DGKB: variants seen among roughly 807,000 people sequenced by gnomAD.
DGKB encodes diacylglycerol kinase beta, also known as 90 kDa diacylglycerol kinase.
DGKB carries 67 observed loss-of-function variants against 114.3 expected under a neutral mutation model. The observed-to-expected ratio is 0.59, with a 90% confidence interval of 0.48 to 0.72. The LOEUF (loss-of-function observed/expected upper bound fraction) is 0.72, where lower values mean the gene tolerates loss of function less well. DGKB is among the 30% of genes least tolerant of loss of function. The pLI is 0.00. For missense variants in DGKB, 907 were observed against 975.2 expected (o/e 0.93, Z 0.93); for synonymous variants, 398 against 323.1 (o/e 1.23, Z -2.49).
chr7:14,632,448 T>C (rs1809905653), intron 13 of DGKB, among the ~76,000 whole-genome samples: 1 of 151,624 alleles, frequency 6.6e-6, no homozygotes, highest in South Asian at 2.1e-4. Flanking sequence ...ATAAAGAAAT[T>C]ATGGCAACAC....
At chr7:14,202,836 T>C (rs1786115063) in intron 23 of DGKB, among the ~76,000 whole-genome samples, 1 of 151,990 alleles carries the variant, frequency 6.6e-6, no homozygotes. Context: ...TTCTATTAAA[T>C]GGTGATTTAT....
intron 1 of DGKB, among the ~76,000 whole-genome samples, chr7:14,972,922 G>A (rs997822633): frequency 1.3e-5 from 2 of 152,048 alleles, no homozygotes; most frequent in African/African-American, 4.8e-5. Context: ...GTGGGAGCTT[G>A]CAGAAAGTGG....
chr7:14,183,466 A>G (rs1782935803), intron 23 of DGKB, among the ~76,000 whole-genome samples: 1 of 152,094 alleles, frequency 6.6e-6, no homozygotes, highest in Admixed American at 6.5e-5. Context: ...GGCTTTTTGC[A>G]CCTGAAGGAA....
chr7:14,694,499 T>C (rs17668761), intron 8 of DGKB, among the ~76,000 whole-genome samples: 89,235 of 152,016 alleles, frequency 0.59, 27,132 homozygotes, highest in East Asian at 0.87. Flanking sequence ...ATTACTTTCT[T>C]CATATTATTT....
intron 2 of DGKB, among the ~76,000 whole-genome samples, chr7:14,835,637 G>A (rs1045855445): frequency 1.9e-4 from 29 of 152,098 alleles, no homozygotes; most frequent in African/African-American, 7.0e-4. Context: ...GCTAGCGTGT[G>A]ATCTAAATTT....
intron 21 of DGKB, among the ~76,000 whole-genome samples, chr7:14,450,567 T>A (rs1440314763): frequency 6.6e-6 from 1 of 151,966 alleles, no homozygotes; most frequent in East Asian, 1.9e-4. Flanking sequence ...TCAGGATTGG[T>A]CCCCTTATTC....
intron 2 of DGKB, among the ~76,000 whole-genome samples, chr7:14,759,070 G>T (rs1297018704): frequency 6.6e-6 from 1 of 152,076 alleles, no homozygotes; most frequent in Non-Finnish European, 1.5e-5. Flanking sequence ...GATTACAGGG[G>T]CTTACCACCA....
chr7:14,289,305 C>G (rs1181177658), intron 23 of DGKB, among the ~76,000 whole-genome samples: 1 of 151,132 alleles, frequency 6.6e-6, no homozygotes, highest in African/African-American at 2.4e-5. Flanking sequence ...TGATCCTTGA[C>G]TCTAATTAGA....
intron 20 of DGKB, among the ~76,000 whole-genome samples, chr7:14,549,129 A>G (rs899476651): frequency 3.9e-5 from 6 of 152,322 alleles, no homozygotes; most frequent in African/African-American, 1.4e-4. Context: ...TCAGAGAATT[A>G]TAAGACTTGA....
At chr7:14,622,217 T>TG (rs1225776506) in intron 14 of DGKB, among the ~76,000 whole-genome samples, 2 of 152,142 alleles carry the variant, frequency 1.3e-5, no homozygotes, top group African/African-American at 4.8e-5. Flanking sequence ...TCTTACTCTT[T>TG]GAAAACTTGC....
intron 20 of DGKB, among the ~76,000 whole-genome samples, chr7:14,568,930 G>C (rs751436319): frequency 6.6e-6 from 1 of 152,172 alleles, no homozygotes; most frequent in Non-Finnish European, 1.5e-5. Context: ...ACAATTTCAA[G>C]TACAAACTAC....
At position 14,392,995 on chromosome 7, in the gene DGKB, G is replaced by GTTTTTGTTTTTTTTTTTTGTTTTT; in HGVS notation, c.1836-47605_1836-47604insAAAAACAAAAAAAAAAAACAAAAA. Among the ~76,000 whole-genome samples, 5 of 60,546 alleles carry GTTTTTGTTTTTTTTTTTTGTTTTT rather than the reference G, an allele frequency of 8.3e-5. 1 individual carries two copies. Among genetic ancestry groups the GTTTTTGTTTTTTTTTTTTGTTTTT allele is most frequent in the Non-Finnish European group, 1.0e-4 (3 of 29,028 alleles). The allele number at this position is 60,546 out of a possible 152,430, so 39.7% of individuals were successfully genotyped here. A position where few individuals can be genotyped will look rare whatever the true frequency, so the allele number is the denominator to read the frequency against. ...CAAAACAGACCTGTTTTTTGTTTTTGTTTTTTTTTTTTTGAGACGGAGTCT... is the reference window on the plus strand; with the variant it reads ...CAAAACAGACCTGTTTTTTGTTTTTGTTTTTGTTTTTTTTTTTTGTTTTTTTTTTTTTTTTTTGAGACGGAGTCT... On this transcript the variant is annotated intron_variant, in intron 21 of 25. Coordinates refer to ENST00000402815, the MANE Select transcript of DGKB (RefSeq NM_001350709.2).
intron 23 of DGKB, among the ~76,000 whole-genome samples, chr7:14,186,990 A>G (rs1347451519): frequency 1.3e-5 from 2 of 151,968 alleles, no homozygotes; most frequent in Admixed American, 6.6e-5. Context: ...GTAACCAAAT[A>G]TCACCTGTAT....
intron 21 of DGKB, among the ~76,000 whole-genome samples, chr7:14,396,842 G>A (rs980391214): frequency 6.6e-6 from 1 of 152,102 alleles, no homozygotes; most frequent in Non-Finnish European, 1.5e-5. Context: ...ACTGAAGCCA[G>A]ATCTCTGAAT....
At chr7:14,787,469 A>T (rs1291146586) in intron 2 of DGKB, among the ~76,000 whole-genome samples, 1 of 152,210 alleles carries the variant, frequency 6.6e-6, no homozygotes, top group Non-Finnish European at 1.5e-5. Context: ...CAATATGGTG[A>T]AATTAATTCC....
At chr7:14,221,120 A>C (rs865804809) in intron 23 of DGKB, among the ~76,000 whole-genome samples, 2 of 151,368 alleles carry the variant, frequency 1.3e-5, no homozygotes, top group African/African-American at 4.8e-5. Context: ...AAATAGAAAT[A>C]GTTTTAATTC....
chr7:14,521,320 A>G (rs770414616), intron 20 of DGKB, among the ~76,000 whole-genome samples: 2 of 152,034 alleles, frequency 1.3e-5, no homozygotes, highest in Non-Finnish European at 2.9e-5. Flanking sequence ...ACAACTCACT[A>G]TTCAAAAAAT....
chr7:14,547,277 AT>A (rs1291993552), intron 20 of DGKB, among the ~76,000 whole-genome samples: 1 of 152,220 alleles, frequency 6.6e-6, no homozygotes, highest in Admixed American at 6.5e-5. Context: ...TAATCTAATA[AT>A]AAGAAATCAG....
intron 2 of DGKB, among the ~76,000 whole-genome samples, chr7:14,788,459 TTGTC>T (rs1840203170): frequency 6.6e-6 from 1 of 152,210 alleles, no homozygotes; most frequent in Non-Finnish European, 1.5e-5. Context: ...AGCAAAATAG[TTGTC>T]TGTGAGCATT....
Sources: gnomAD v4.1 joint callset for allele counts (sites outside exome capture counted in the v4.1 genomes callset) on GRCh38, gnomAD v4.1.1 for gene constraint, MANE v1.5 for transcripts, NCBI Gene and HGNC (gene_info 2026-07-23, HGNC 2026-07-21) for gene names.